The following HPCAL1 variants were observed in gnomAD, a reference collection of about 807,000 sequenced individuals.
The protein encoded by HPCAL1 is hippocalcin like 1.
A neutral mutation model predicts 17.1 loss-of-function variants in HPCAL1; 8 were observed. The observed-to-expected ratio is 0.47, with a 90% CI of 0.27 to 0.84. The LOEUF is 0.84. Ranked by LOEUF, HPCAL1 falls within the 40% of genes least tolerant of loss-of-function variation. The pLI is 0.13. For missense variants in HPCAL1, 165 were observed against 271.1 expected, an observed-to-expected ratio of 0.61 and a Z score of 2.75; for synonymous variants, 112 against 111.4, an observed-to-expected ratio of 1.01 and a Z score of -0.03.
intron 3 of HPCAL1, 94 bp from the exon 4 acceptor site, chr2:10,422,889 C>T (rs531447979): frequency 2.5e-5 from 21 of 848,378 alleles, no homozygotes; most frequent in East Asian, 2.1e-4. Flanking sequence ...CTGACCTCTC[C>T]GAGCCTTGTT....
At chr2:10,332,088 C>T (rs187663694) in intron 1 of HPCAL1, among the ~76,000 whole-genome samples, 8 of 152,206 alleles carry the variant, frequency 5.3e-5, no homozygotes, top group African/African-American at 1.2e-4. Flanking sequence ...TCAGAGGGAG[C>T]GCTCCTTGTC....
rs1273735371 is a variant in HPCAL1, at chr2:10,359,049, C to CATGCTCCCCTCGAGGTTTGACCCGTCTGT, written c.-110-37758_-110-37757insTATGCTCCCCTCGAGGTTTGACCCGTCTG. 4.7e-3 allele frequency among the ~76,000 whole-genome samples: 710 copies of CATGCTCCCCTCGAGGTTTGACCCGTCTGT among 152,072 alleles called. 1 individual carries two copies. Among genetic ancestry groups the CATGCTCCCCTCGAGGTTTGACCCGTCTGT allele is most frequent in the Middle Eastern group, 0.034 (10 of 292 alleles). On this transcript the variant is annotated intron_variant, in intron 1 of 4. Transcript: ENST00000307845. This position sits in a 1 kb window ranked among gnomAD's most constrained non-coding sequence, Gnocchi z 4.1. ...CTCCCCTTGAGGTTTGACCCGTCTG[C>CATGCTCCCCTCGAGGTTTGACCCGTCTGT]ATGCTCCCCTCGAGGTTTGACCCGT...
chr2:10,389,784 T>A (rs987958649), intron 1 of HPCAL1, among the ~76,000 whole-genome samples: 2 of 152,232 alleles, frequency 1.3e-5, no homozygotes, highest in Non-Finnish European at 2.9e-5. Flanking sequence ...GCCCGTGGAA[T>A]GTACATGGAT....
At chr2:10,412,354 A>G (rs947175438) in intron 2 of HPCAL1, among the ~76,000 whole-genome samples, 1 of 152,238 alleles carries the variant, frequency 6.6e-6, no homozygotes, top group African/African-American at 2.4e-5. Context: ...TGGGCACACC[A>G]GTCATTGACT....
chr2:10,372,079 G>A lies in HPCAL1; in HGVS notation c.-110-24756G>A, dbSNP rs188798268. Among the ~76,000 whole-genome samples, 8 of 152,378 alleles carry A rather than the reference G, an allele frequency of 5.3e-5. No individual in the cohort carries two copies. The East Asian group carries it at 9.6e-4, about 18-fold the overall frequency. ...TTTGTCTTATTTGAAAGCCAAACAC[G>A]TTGCTTACACGTTGGGTGCACAGTG... On this transcript the variant is annotated intron_variant, in intron 1 of 4. Coordinates refer to ENST00000307845, the MANE Select transcript of HPCAL1 (RefSeq NM_002149.4).
At position 10,339,319 on chromosome 2, in the gene HPCAL1, AT is replaced by A. The variant is rs772333157; in HGVS notation, c.-111+36157del. On this transcript the variant is annotated intron_variant, in intron 1 of 4. Transcript: ENST00000307845. ...AGGTGGGCGCCACCATGCCCACCTA[AT>A]TTTTTTTTTTTTTTGAGACCTGTCA... 4.4e-3 allele frequency among the ~76,000 whole-genome samples: 582 copies of A among 132,548 alleles called. 1 individual carries two copies. Among genetic ancestry groups the A allele is most frequent in the African/African-American group, 6.7e-3 (240 of 35,694 alleles). The allele number at this position is 132,548 out of a possible 152,430, so 87.0% of individuals were successfully genotyped here.
At chr2:10,389,264 A>C (rs963158229) in intron 1 of HPCAL1, among the ~76,000 whole-genome samples, 5 of 152,240 alleles carry the variant, frequency 3.3e-5, no homozygotes, top group Admixed American at 6.5e-5. Context: ...AAAAGTGGGA[A>C]TAAATCTGAT....
At chr2:10,312,497 C>T (rs201354875) in intron 1 of HPCAL1, among the ~76,000 whole-genome samples, 10 of 150,594 alleles carry the variant, frequency 6.6e-5, no homozygotes, top group South Asian at 2.1e-4. Context: ...CACCATTCAC[C>T]GTCACTATCA....
intron 4 of HPCAL1, chr2:10,424,691 G>A (rs1572877195): frequency 6.6e-6 from 3 of 455,466 alleles, no homozygotes; most frequent in Non-Finnish European, 4.6e-6. Flanking sequence ...TGAGCCCAGG[G>A]GACCCGCCTG....
intron 2 of HPCAL1, among the ~76,000 whole-genome samples, chr2:10,414,818 G>A (rs1670558520): frequency 6.6e-6 from 1 of 152,160 alleles, no homozygotes; most frequent in Non-Finnish European, 1.5e-5. Flanking sequence ...TGAGGAATGA[G>A]GACAAGCAGG....
chr2:10,407,893 A>G (rs1212235886), intron 2 of HPCAL1, among the ~76,000 whole-genome samples: 1 of 152,258 alleles, frequency 6.6e-6, no homozygotes, highest in Non-Finnish European at 1.5e-5. Context: ...AGCTGAGTTC[A>G]TACTAGAAAA....
intron 4 of HPCAL1, chr2:10,424,799 A>G (rs3771120): frequency 0.18 from 68,044 of 371,004 alleles, 6,488 homozygotes; most frequent in African/African-American, 0.2. Context: ...TCGGCCCTCA[A>G]AGCTCCTCCG....
At chr2:10,423,111 C>T in intron 4 of HPCAL1, 23 bp downstream of exon 4, 1 of 1,529,278 alleles carries the variant, frequency 6.5e-7, no homozygotes, top group Non-Finnish European at 9.1e-7. Flanking sequence ...GGGGGCGGGG[C>T]TGCATGTGTA....
intron 1 of HPCAL1, among the ~76,000 whole-genome samples, chr2:10,340,956 C>A (rs568907674): frequency 6.6e-6 from 1 of 152,264 alleles, no homozygotes; most frequent in East Asian, 1.9e-4. Flanking sequence ...TTTTTCCCTT[C>A]CTCATAGAAT....
In HPCAL1 at chr2:10,367,571, A is replaced by C. The variant is rs1666926709; in HGVS notation, c.-110-29264A>C. Among the ~76,000 whole-genome samples the C allele has an allele frequency of 6.6e-6, 1 of 152,216 alleles. No individual in the cohort carries two copies. ...AGAAAGTATAATAATATGTAAAGCA[A>C]AATCATAATAGCAACAACAATCACT... On this transcript the variant is annotated intron_variant, in intron 1 of 4. Transcript: ENST00000307845. The surrounding 1 kb of genome is among the most constrained non-coding windows in gnomAD (Gnocchi z 4.4).
At chr2:10,336,882 C>G (rs71439004) in intron 1 of HPCAL1, among the ~76,000 whole-genome samples, 6,822 of 152,234 alleles carry the variant, frequency 0.045, 246 homozygotes, top group Middle Eastern at 0.14. Context: ...GTAGCTGAGA[C>G]TATAGGTATG....
In HPCAL1 at chr2:10,310,153, G is replaced by T. The variant is rs1339017914; in HGVS notation, c.-111+6976G>T. Reference sequence around the variant, plus strand: ...ACTACAATTCAAACCCAGGTCTGCAGATGTGGCAGACTGGGTTTGAACTGT... The same window carrying T: ...ACTACAATTCAAACCCAGGTCTGCATATGTGGCAGACTGGGTTTGAACTGT... On this transcript the variant is annotated intron_variant, in intron 1 of 4. Coordinates refer to ENST00000307845, the MANE Select transcript of HPCAL1 (RefSeq NM_002149.4). This position sits in a 1 kb window ranked among gnomAD's most constrained non-coding sequence, Gnocchi z 4.5. 3.3e-5 allele frequency among the ~76,000 whole-genome samples: 5 copies of T among 152,152 alleles called. No homozygotes were observed. Among genetic ancestry groups the T allele is most frequent in the Non-Finnish European group, 7.3e-5 (5 of 68,034 alleles).
Position 10,359,492 on chromosome 2 carries a change from A to G in HPCAL1, c.-110-37343A>G, listed in dbSNP as rs1460346809. The stretch of plus-strand genomic sequence containing the variant: ...TGGCCTCTGTGACAGCAGCAGGATT[A>G]GAGGCAGAGTTGGCCCAGAGGGAAC... On this transcript the variant is annotated intron_variant, in intron 1 of 4. Transcript: ENST00000307845. This position sits in a 1 kb window ranked among gnomAD's most constrained non-coding sequence, Gnocchi z 4.1. Among the ~76,000 whole-genome samples, 1 of 152,238 alleles carries G rather than the reference A, an allele frequency of 6.6e-6. No homozygotes were observed. The highest frequency in any genetic ancestry group is 1.5e-5 in the Non-Finnish European group (1 of 68,038).
chr2:10,355,014 GACT>G (rs1558481206), intron 1 of HPCAL1, among the ~76,000 whole-genome samples: 1 of 152,252 alleles, frequency 6.6e-6, no homozygotes, highest in East Asian at 1.9e-4. Flanking sequence ...GCAGGTAACA[GACT>G]AGCAGAAGGA....
Sources: allele counts gnomAD v4.1 joint callset (sites outside exome capture counted in the v4.1 genomes callset), GRCh38; gene constraint gnomAD v4.1.1; non-coding constraint Gnocchi (gnomAD v3.1); transcripts MANE v1.5; gene names NCBI Gene and HGNC (gene_info 2026-07-23, HGNC 2026-07-21).